SYT16: variants seen among roughly 807,000 people sequenced by gnomAD.
The protein encoded by SYT16 is synaptotagmin-16.
A neutral mutation model predicts 61.4 loss-of-function variants in SYT16; 42 were observed. That is an observed-to-expected ratio of 0.68 (90% confidence interval 0.53 to 0.89). The LOEUF (loss-of-function observed/expected upper bound fraction) is 0.89. Ranked by LOEUF, SYT16 falls within the 40% of genes least tolerant of loss-of-function variation. The pLI is 0.00. For synonymous variants in SYT16, 314 were observed against 302.3 expected (o/e 1.04, Z -0.40); for missense variants, 804 against 807.3 (o/e 1.00, Z 0.05).
intron 1 of SYT16, among the ~76,000 whole-genome samples, chr14:61,815,929 TC>T (rs2045413531): frequency 6.6e-6 from 1 of 152,232 alleles, no homozygotes; most frequent in African/African-American, 2.4e-5. Context: ...GTCACTTTAA[TC>T]TGTTTGTAAG....
At chr14:62,046,238 T>C (rs1462116901) in intron 3 of SYT16, among the ~76,000 whole-genome samples, 34 of 152,182 alleles carry the variant, frequency 2.2e-4, no homozygotes, top group African/African-American at 6.3e-4. Flanking sequence ...TTTTTGGCTG[T>C]ATAAATGTCT....
At chr14:62,036,150 G>A (rs1368570181) in intron 3 of SYT16, among the ~76,000 whole-genome samples, 1 of 152,164 alleles carries the variant, frequency 6.6e-6, no homozygotes, top group African/African-American at 2.4e-5. Flanking sequence ...AACCCAAGCT[G>A]AGATTTGTTT....
At chr14:61,920,494 T>C (rs896789174) in intron 1 of SYT16, among the ~76,000 whole-genome samples, 1 of 152,084 alleles carries the variant, frequency 6.6e-6, no homozygotes, top group African/African-American at 2.4e-5. Flanking sequence ...TTCTGTCCTC[T>C]CTCTCTTCTT....
intron 3 of SYT16, among the ~76,000 whole-genome samples, chr14:62,067,841 C>T (rs1342712381): frequency 1.3e-5 from 2 of 150,502 alleles, no homozygotes; most frequent in East Asian, 3.9e-4. Flanking sequence ...ATAAATAAAG[C>T]TGGGTATGGT....
intron 7 of SYT16, among the ~76,000 whole-genome samples, chr14:62,099,785 G>A (rs2057370932): frequency 6.6e-6 from 1 of 152,148 alleles, no homozygotes; most frequent in Non-Finnish European, 1.5e-5. Flanking sequence ...GGCTGATGGG[G>A]TAGGATCGCT....
At chr14:62,011,926 C>CATATAT (rs142408466) in intron 3 of SYT16, among the ~76,000 whole-genome samples, 23,175 of 132,202 alleles carry the variant, frequency 0.18, 2,476 homozygotes, top group Middle Eastern at 0.22. Context: ...CACACACACA[C>CATATAT]ATATATATAT....
intron 1 of SYT16, among the ~76,000 whole-genome samples, chr14:61,865,657 T>C (rs915482103): frequency 1.3e-5 from 2 of 152,254 alleles, no homozygotes; most frequent in Non-Finnish European, 2.9e-5. Flanking sequence ...TTCTACAGTA[T>C]CTGTGAATAC....
chr14:62,040,695 G>A (rs1321675085), intron 3 of SYT16, among the ~76,000 whole-genome samples: 2 of 152,020 alleles, frequency 1.3e-5, no homozygotes, highest in African/African-American at 4.8e-5. Context: ...ATGTTCCTCT[G>A]TACATGAAAC....
chr14:62,065,714 A>G (rs1444636354), intron 3 of SYT16, among the ~76,000 whole-genome samples: 1 of 152,172 alleles, frequency 6.6e-6, no homozygotes, highest in Non-Finnish European at 1.5e-5. Flanking sequence ...CCTCACATTC[A>G]TGTATCTCCC....
At chr14:61,965,695 T>A (rs2051287954) in intron 1 of SYT16, among the ~76,000 whole-genome samples, 1 of 151,670 alleles carries the variant, frequency 6.6e-6, no homozygotes, top group South Asian at 2.1e-4. Context: ...TCTGTCAGAT[T>A]GTAGAGGAAA....
intron 1 of SYT16, among the ~76,000 whole-genome samples, chr14:61,863,404 G>A (rs151131753): frequency 3.9e-5 from 6 of 152,176 alleles, no homozygotes; most frequent in South Asian, 2.1e-4. Context: ...TGCCATCTGC[G>A]CATCTTCTTT....
intron 1 of SYT16, among the ~76,000 whole-genome samples, chr14:61,873,143 A>G (rs1268031258): frequency 6.6e-6 from 1 of 152,186 alleles, no homozygotes; most frequent in East Asian, 1.9e-4. Flanking sequence ...GGAAAAGAGG[A>G]CCCATGAGTT....
At chr14:61,878,369 A>G (rs1352909890) in intron 1 of SYT16, among the ~76,000 whole-genome samples, 5 of 152,198 alleles carry the variant, frequency 3.3e-5, no homozygotes, top group Non-Finnish European at 5.9e-5. Context: ...GGAAATCTCA[A>G]TTTAAAGAGA....
At chr14:62,075,468 TAAA>T (rs35857227) in intron 5 of SYT16, 77 bp downstream of exon 5, 167 of 1,163,080 alleles carry the variant, frequency 1.4e-4, no homozygotes, top group Middle Eastern at 3.2e-4. Context: ...CTCATCTCTC[TAAA>T]AAAAAAAAAA....
At chr14:61,816,980 C>T (rs922786376) in intron 1 of SYT16, among the ~76,000 whole-genome samples, 1 of 147,834 alleles carries the variant, frequency 6.8e-6, no homozygotes, top group Non-Finnish European at 1.5e-5. Flanking sequence ...CACTGCACTC[C>T]AGCCTGGGCG....
chr14:62,054,362 T>TG (rs200921829), intron 3 of SYT16, among the ~76,000 whole-genome samples: 10 of 65,036 alleles, frequency 1.5e-4, no homozygotes, highest in East Asian at 7.6e-4. Context: ...TGAAGTGAGT[T>TG]TTTTTTTTTT....
At chr14:62,046,229 T>G (rs946669579) in intron 3 of SYT16, among the ~76,000 whole-genome samples, 3 of 152,232 alleles carry the variant, frequency 2.0e-5, no homozygotes, top group African/African-American at 7.2e-5. Context: ...TTCATGTGTT[T>G]TTTGGCTGTA....
In SYT16 at chr14:61,864,770, C is replaced by T. The variant is rs1197057917; in HGVS notation, c.-325+51960C>T. 4.3e-6 allele frequency: 4 copies of T among 941,160 alleles called. No individual in the cohort carries two copies. In the South Asian group the frequency reaches 4.6e-5, roughly 11 times the overall value. 58.3% of individuals were successfully genotyped at this position (941,160 alleles called of 1,614,324 possible). On this transcript the variant is annotated intron_variant, in intron 1 of 7. Coordinates refer to ENST00000683842, the MANE Select transcript of SYT16 (RefSeq NM_001367656.1). ...CTGGTTAATGACGCATGTGGCTGGCCGGTTGGGCCCTAGTGTCTGCCAGCG... is the reference window on the plus strand; with the variant it reads ...CTGGTTAATGACGCATGTGGCTGGCTGGTTGGGCCCTAGTGTCTGCCAGCG...
intron 1 of SYT16, among the ~76,000 whole-genome samples, chr14:61,830,113 A>T (rs1274409940): frequency 6.6e-6 from 1 of 152,050 alleles, no homozygotes; most frequent in Non-Finnish European, 1.5e-5. Context: ...TTCTGAGCCC[A>T]CTGGTTTTTC....
Sources: gnomAD v4.1 joint callset for allele counts (sites outside exome capture counted in the v4.1 genomes callset) on GRCh38, gnomAD v4.1.1 for gene constraint, MANE v1.5 for transcripts, NCBI Gene and HGNC (gene_info 2026-07-23, HGNC 2026-07-21) for gene names.